Variants in BMERB1 observed in about 807,000 individuals in gnomAD.
BMERB1 encodes bMERB domain-containing protein 1.
A neutral mutation model predicts 23.6 loss-of-function variants in BMERB1; 12 were observed. The observed-to-expected ratio is 0.51, with a 90% CI of 0.33 to 0.82. The LOEUF (loss-of-function observed/expected upper bound fraction) is 0.82. Ranked by LOEUF, BMERB1 falls within the 40% of genes least tolerant of loss-of-function variation. BMERB1 has a pLI of 0.03. For missense variants in BMERB1, 247 were observed against 255.4 expected (o/e 0.97, Z 0.22); for synonymous variants, 122 against 96.6 (o/e 1.26, Z -1.54).
intron 2 of BMERB1, among the ~76,000 whole-genome samples, chr16:15,538,413 G>GT (rs1396651429): frequency 6.6e-6 from 1 of 151,848 alleles, no homozygotes; most frequent in Non-Finnish European, 1.5e-5. Context: ...AGATGTGCCA[G>GT]TGCACTCCAG....
intron 2 of BMERB1, among the ~76,000 whole-genome samples, chr16:15,531,340 C>T (rs553039876): frequency 1.3e-5 from 2 of 152,270 alleles, no homozygotes; most frequent in East Asian, 1.9e-4. Flanking sequence ...GTGATCCTCC[C>T]GCCTAGGCCT....
chr16:15,565,095 C>T (rs767733550), intron 2 of BMERB1, among the ~76,000 whole-genome samples: 1 of 150,728 alleles, frequency 6.6e-6, no homozygotes, highest in Non-Finnish European at 1.5e-5. Context: ...TCCTTGATAG[C>T]AACACTCAGG....
At chr16:15,463,875 T>TAAA (rs35187562) in intron 1 of BMERB1, among the ~76,000 whole-genome samples, 4 of 143,120 alleles carry the variant, frequency 2.8e-5, no homozygotes, top group African/African-American at 2.6e-5. Context: ...GTGTATGCTT[T>TAAA]AAAAAAAAAA....
intron 1 of BMERB1, among the ~76,000 whole-genome samples, chr16:15,495,933 G>T (rs567625119): frequency 1.3e-5 from 2 of 152,240 alleles, no homozygotes; most frequent in African/African-American, 4.8e-5. Flanking sequence ...GAGTTTGGCT[G>T]CTTTTTCTTT....
intron 1 of BMERB1, among the ~76,000 whole-genome samples, chr16:15,500,056 C>T (rs1195336435): frequency 1.3e-5 from 2 of 152,182 alleles, no homozygotes; most frequent in Admixed American, 6.5e-5. Flanking sequence ...ATTCTGTTGG[C>T]TCTTTGCAAC....
intron 1 of BMERB1, among the ~76,000 whole-genome samples, chr16:15,437,366 T>C (rs373084800): frequency 9.8e-5 from 15 of 152,352 alleles, no homozygotes; most frequent in African/African-American, 2.4e-4. Context: ...ATTATGTCTT[T>C]ATTGTGTATA....
intron 2 of BMERB1, among the ~76,000 whole-genome samples, chr16:15,536,151 A>C (rs1323303706): frequency 6.6e-6 from 1 of 152,140 alleles, no homozygotes; most frequent in African/African-American, 2.4e-5. Context: ...AGTGGAAGGA[A>C]GGTGACATCA....
At chr16:15,441,830 G>T (rs2050941768) in intron 1 of BMERB1, among the ~76,000 whole-genome samples, 1 of 152,090 alleles carries the variant, frequency 6.6e-6, no homozygotes, top group South Asian at 2.1e-4. Flanking sequence ...CCTGGTTTTT[G>T]TTTTTAAAGG....
intron 2 of BMERB1, among the ~76,000 whole-genome samples, chr16:15,530,603 T>C (rs1218138924): frequency 1.3e-5 from 2 of 151,916 alleles, no homozygotes; most frequent in East Asian, 3.9e-4. Flanking sequence ...GATGGTGACA[T>C]AGTTCGGCTG....
intron 2 of BMERB1, among the ~76,000 whole-genome samples, chr16:15,516,097 C>T (rs559717734): frequency 9.9e-5 from 15 of 152,160 alleles, no homozygotes; most frequent in African/African-American, 3.1e-4. Flanking sequence ...CACACTCCAT[C>T]TTGGGTGACA....
chr16:15,533,740 C>T (rs1026827618), intron 2 of BMERB1, among the ~76,000 whole-genome samples: 1 of 151,994 alleles, frequency 6.6e-6, no homozygotes, highest in East Asian at 1.9e-4. Flanking sequence ...GAGCGTCTGC[C>T]TCAAGAATAA....
intron 4 of BMERB1, among the ~76,000 whole-genome samples, chr16:15,582,099 C>G (rs894881073): frequency 6.6e-5 from 10 of 152,190 alleles, no homozygotes; most frequent in Admixed American, 5.9e-4. Context: ...CCCTCCTATC[C>G]AAATATTATA....
At chr16:15,577,464 C>T (rs1008702741) in intron 3 of BMERB1, among the ~76,000 whole-genome samples, 3 of 152,140 alleles carry the variant, frequency 2.0e-5, no homozygotes, top group East Asian at 1.9e-4. Flanking sequence ...ATTCCACCAG[C>T]GGGCATAAGG....
At chr16:15,557,245 C>T (rs1199897757) in intron 2 of BMERB1, among the ~76,000 whole-genome samples, 2 of 152,158 alleles carry the variant, frequency 1.3e-5, no homozygotes, top group Non-Finnish European at 2.9e-5. Flanking sequence ...GAACATTAAT[C>T]AGGTTCTTGA....
At chr16:15,533,204 C>G (rs1040561671) in intron 2 of BMERB1, 1 of 316,532 alleles carries the variant, frequency 3.2e-6, no homozygotes. Context: ...TGGATAGATA[C>G]AGGCATAAGT....
intron 2 of BMERB1, among the ~76,000 whole-genome samples, chr16:15,545,269 G>C (rs1407926805): frequency 6.6e-6 from 1 of 152,068 alleles, no homozygotes; most frequent in Non-Finnish European, 1.5e-5. Flanking sequence ...CACCACACCT[G>C]GCCCCAAATT....
intron 1 of BMERB1, among the ~76,000 whole-genome samples, chr16:15,494,335 A>G (rs977559882): frequency 6.6e-6 from 1 of 152,120 alleles, no homozygotes; most frequent in African/African-American, 2.4e-5. Context: ...TTAGAAAGCA[A>G]TCGGAGCCCT....
chr16:15,495,838 G>C (rs1267187873), intron 1 of BMERB1, among the ~76,000 whole-genome samples: 2 of 152,176 alleles, frequency 1.3e-5, no homozygotes, highest in Non-Finnish European at 2.9e-5. Flanking sequence ...AGTTCTGGGA[G>C]GGAGGTGAAG....
At chr16:15,495,236 C>T (rs1439915619) in intron 1 of BMERB1, among the ~76,000 whole-genome samples, 3 of 151,082 alleles carry the variant, frequency 2.0e-5, no homozygotes, top group South Asian at 2.1e-4. Context: ...GACGGAGTTT[C>T]GCTCTGTTGC....
Sources: allele counts gnomAD v4.1 joint callset (sites outside exome capture counted in the v4.1 genomes callset), GRCh38; gene constraint gnomAD v4.1.1; transcripts MANE v1.5; gene names NCBI Gene and HGNC (gene_info 2026-07-23, HGNC 2026-07-21).